ZNF324B: variants seen among roughly 807,000 people sequenced by gnomAD.
The protein encoded by ZNF324B is zinc finger protein 324B.
In ZNF324B, 7 loss-of-function variants were observed where a neutral mutation model predicts 10.6. The ratio of observed to expected loss-of-function variants is 0.66; its 90% confidence interval spans 0.38 to 1.24. ZNF324B has a LOEUF of 1.24. Ranked by LOEUF, ZNF324B falls within the 50% of genes most tolerant of loss-of-function variation. ZNF324B has a pLI of 0.02. For synonymous variants in ZNF324B, 316 were observed against 321.0 expected (o/e 0.98, Z 0.17); for missense variants, 640 against 764.7 (o/e 0.84, Z 1.92).
chr19:58,434,300 T>C, the ZNF324B span: 1 of 1,614,220 alleles, frequency 6.2e-7, no homozygotes, highest in Non-Finnish European at 8.5e-7. Context: ...CTGAAGGCTC[T>C]TCCACATTTC....
the ZNF324B span, among the ~76,000 whole-genome samples, chr19:58,428,157 G>A: frequency 3.3e-5 from 5 of 152,284 alleles, no homozygotes; most frequent in Middle Eastern, 6.8e-3. Flanking sequence ...TCCAGGAGAC[G>A]TGGCAGCTGC....
the ZNF324B span, chr19:58,443,517 C>T: frequency 1.3e-5 from 2 of 152,450 alleles, no homozygotes; most frequent in South Asian, 4.1e-4. Flanking sequence ...CTAGAGGCCT[C>T]CTGTAGCCCA....
the ZNF324B span, among the ~76,000 whole-genome samples, chr19:58,426,381 T>A: frequency 0.1 from 15,603 of 152,126 alleles, 2,517 homozygotes; most frequent in African/African-American, 0.35. Context: ...GGGCTTCATA[T>A]TGATGGAGAG....
chr19:58,427,320 T>TTTCTTTCTTTCC, the ZNF324B span, among the ~76,000 whole-genome samples: 6 of 85,696 alleles, frequency 7.0e-5, no homozygotes, highest in East Asian at 1.9e-3. Flanking sequence ...TCTTTCTTTC[T>TTTCTTTCTTTCC]TTCTTTCTTT....
At chr19:58,429,917 AATG>A in the ZNF324B span, 1 of 152,228 alleles carries the variant, frequency 6.6e-6, no homozygotes, top group East Asian at 1.9e-4. Flanking sequence ...CATGGCTTCC[AATG>A]ATCTCTGCCC....
At chr19:58,438,616 G>A in the ZNF324B span, among the ~76,000 whole-genome samples, 1 of 151,770 alleles carries the variant, frequency 6.6e-6, no homozygotes, top group Non-Finnish European at 1.5e-5. Flanking sequence ...TGGGACTACA[G>A]GCACCCACCA....
At chr19:58,448,264 C>T (rs1173390733), upstream of ZNF324B, among the ~76,000 whole-genome samples, 2 of 152,128 alleles carry the variant, frequency 1.3e-5, no homozygotes, top group African/African-American at 2.4e-5. Flanking sequence ...GACCAAAATG[C>T]TGATAATGAT....
chr19:58,453,608 GGGGAGGTGACTGTT>G lies in ZNF324B; in HGVS notation c.-6-83_-6-70del, dbSNP rs201227400. On this transcript the variant is annotated intron_variant, in intron 1 of 3. Transcript: ENST00000336614. The stretch of plus-strand genomic sequence containing the variant: ...GGAACCCAAGGAAGGAGGGACACTG[GGGGAGGTGACTGTT>G]GGGATGGGGAGCTTGGTCCTGGCTC... 10,168 of 1,566,428 alleles carry G rather than the reference GGGGAGGTGACTGTT, an allele frequency of 6.5e-3. 451 individuals are homozygous for G. The Admixed American group carries it at 0.097, about 15-fold the overall frequency.
At chr19:58,431,163 G>A in the ZNF324B span, 1 of 152,210 alleles carries the variant, frequency 6.6e-6, no homozygotes, top group Non-Finnish European at 1.5e-5. Context: ...TCTACTGTTG[G>A]TGAAGGTTTG....
intron 1 of ZNF324B, chr19:58,452,007 G>C (rs943969969): frequency 2.1e-5 from 5 of 238,748 alleles, no homozygotes; most frequent in Non-Finnish European, 3.3e-5. Flanking sequence ...GGGCGGGGGA[G>C]TCCCTGCTCA....
chr19:58,448,892 C>T (rs1456111748), upstream of ZNF324B, among the ~76,000 whole-genome samples: 1 of 152,168 alleles, frequency 6.6e-6, no homozygotes, highest in Non-Finnish European at 1.5e-5. Context: ...AAAAGAAAAA[C>T]ACATTTTCTG....
the ZNF324B span, chr19:58,418,942 G>C: frequency 6.6e-6 from 1 of 152,202 alleles, no homozygotes. Flanking sequence ...TCTGATCCCT[G>C]TGTGTGGAGA....
At chr19:58,427,448 C>CTTCA in the ZNF324B span, among the ~76,000 whole-genome samples, 1 of 64,300 alleles carries the variant, frequency 1.6e-5, no homozygotes, top group African/African-American at 1.2e-4. Flanking sequence ...CCTTCCTTTC[C>CTTCA]TTTCCCTTCC....
upstream of ZNF324B, among the ~76,000 whole-genome samples, chr19:58,449,298 T>G (rs999629282): frequency 5.3e-5 from 8 of 152,146 alleles, no homozygotes; most frequent in African/African-American, 1.4e-4. Context: ...CAGGCAAAAG[T>G]TTGCTGCAGG....
chr19:58,456,761 T>C lies in ZNF324B; in HGVS notation c.*182T>C. ...GGGACAGGATTTGCCAGTTTAGTCA[T>C]AGCTCACACCTCCATCCTCAAAGAG... On this transcript the variant is annotated 3_prime_UTR_variant, in exon 4 of 4. Coordinates refer to ENST00000336614, the MANE Select transcript of ZNF324B (RefSeq NM_207395.3). This position sits in a 1 kb window ranked among gnomAD's most constrained non-coding sequence, Gnocchi z 4.7. 1.4e-6 allele frequency: 1 copy of C among 692,522 alleles called. No individual in the cohort carries two copies. Among genetic ancestry groups the C allele is most frequent in the South Asian group, 1.9e-5 (1 of 51,776 alleles). The allele number at this position is 692,522 out of a possible 1,614,324, so 42.9% of individuals were successfully genotyped here.
the ZNF324B span, among the ~76,000 whole-genome samples, chr19:58,425,559 C>T: frequency 2.0e-5 from 3 of 151,362 alleles, no homozygotes; most frequent in African/African-American, 7.3e-5. Context: ...CAACCTCTGC[C>T]TGCCGGGTTC....
chr19:58,432,682 G>T, the ZNF324B span: 1 of 184,684 alleles, frequency 5.4e-6, no homozygotes, highest in Admixed American at 5.5e-5. Context: ...TGCAAAGTAG[G>T]CTACAACAGG....
upstream of ZNF324B, among the ~76,000 whole-genome samples, chr19:58,448,861 TGCA>T (rs548003536): frequency 9.2e-5 from 14 of 152,362 alleles, no homozygotes; most frequent in East Asian, 2.7e-3. Flanking sequence ...TCAGAAAATT[TGCA>T]GCCTGACCAT....
chr19:58,456,771 C>T lies in ZNF324B; in HGVS notation c.*192C>T. 1 of 658,540 alleles carries T rather than the reference C, an allele frequency of 1.5e-6. No homozygotes were observed. The allele number at this position is 658,540 out of a possible 1,614,324, so 40.8% of individuals were successfully genotyped here. On this transcript the variant is annotated 3_prime_UTR_variant, in exon 4 of 4. Transcript: ENST00000336614. This position sits in a 1 kb window ranked among gnomAD's most constrained non-coding sequence, Gnocchi z 4.7. ...TTGCCAGTTTAGTCATAGCTCACAC[C>T]TCCATCCTCAAAGAGGTAACACTGC...
Sources: allele counts gnomAD v4.1 joint callset (sites outside exome capture counted in the v4.1 genomes callset), GRCh38; gene constraint gnomAD v4.1.1; non-coding constraint Gnocchi (gnomAD v3.1); transcripts MANE v1.5; gene names NCBI Gene and HGNC (gene_info 2026-07-23, HGNC 2026-07-21).